GPBP1: variants seen among roughly 807,000 people sequenced by gnomAD.
GPBP1 encodes the protein vasculin.
GPBP1 carries 13 observed loss-of-function variants against 56.5 expected under a neutral mutation model. The observed-to-expected ratio is 0.23, with a 90% CI of 0.15 to 0.37. The LOEUF is 0.37. Ranked by LOEUF, GPBP1 falls within the 10% of genes least tolerant of loss-of-function variation. The probability of loss-of-function intolerance (pLI) is 1.00; values close to 1 mark genes in which losing one functional copy is unlikely to be tolerated. For missense variants in GPBP1, 477 were observed against 572.3 expected (o/e 0.83, Z 1.70); for synonymous variants, 204 against 188.9 (o/e 1.08, Z -0.66).
At chr5:57,221,225 A>C in intron 3 of GPBP1, 1 of 619,330 alleles carries the variant, frequency 1.6e-6, no homozygotes, top group Non-Finnish European at 2.8e-6. Flanking sequence ...CTGTAGTGAG[A>C]AGGATATTTT....
intron 2 of GPBP1, 43 bp from the exon 3 acceptor site, chr5:57,214,031 G>T: frequency 1.2e-6 from 1 of 861,474 alleles, no homozygotes; most frequent in South Asian, 1.4e-5. Context: ...CTAATTTTTG[G>T]CCAGGAGCTG....
chr5:57,203,320 T>G lies in GPBP1; in HGVS notation c.-57-10754T>G, dbSNP rs779946090. Among the ~76,000 whole-genome samples, 137 of 152,274 alleles carry G rather than the reference T, an allele frequency of 9.0e-4. 1 individual carries two copies. Among genetic ancestry groups the G allele is most frequent in the Non-Finnish European group, 1.7e-3 (115 of 68,010 alleles). ...AATTTTTGTAACTTCCTGTTTTGAT[T>G]TTTATGATAAAAATGTAAGTAAAGC... On this transcript the variant is annotated intron_variant, in intron 2 of 11. Transcript: ENST00000506184.
chr5:57,241,481 T>G (rs1258308555), intron 6 of GPBP1, among the ~76,000 whole-genome samples: 1 of 152,150 alleles, frequency 6.6e-6, no homozygotes, highest in Admixed American at 6.5e-5. Flanking sequence ...ATCCTAGCAC[T>G]TTGGGAGGCC....
intron 2 of GPBP1, among the ~76,000 whole-genome samples, chr5:57,194,482 G>C (rs1579989121): frequency 6.6e-6 from 1 of 152,084 alleles, no homozygotes; most frequent in Non-Finnish European, 1.5e-5. Flanking sequence ...GATCAAATCA[G>C]GGTAGTGGGA....
chr5:57,247,680 G>A (rs1202853880), intron 8 of GPBP1, among the ~76,000 whole-genome samples: 4 of 152,048 alleles, frequency 2.6e-5, no homozygotes. Context: ...GTGAGACCCT[G>A]TCTCAAAAGT....
At chr5:57,200,099 T>TGCCTC (rs1387820988) in intron 2 of GPBP1, among the ~76,000 whole-genome samples, 1 of 136,570 alleles carries the variant, frequency 7.3e-6, no homozygotes, top group Non-Finnish European at 1.5e-5. Context: ...GTGACTTTGT[T>TGCCTC]GCCTCACCTC....
chr5:57,227,242 A>G (rs907004085), intron 3 of GPBP1, among the ~76,000 whole-genome samples: 7 of 151,968 alleles, frequency 4.6e-5, no homozygotes, highest in Middle Eastern at 3.4e-3. Flanking sequence ...TAGTGAATTT[A>G]GTGTATTTAG....
intron 2 of GPBP1, among the ~76,000 whole-genome samples, chr5:57,177,819 C>T (rs905967588): frequency 1.3e-5 from 2 of 151,916 alleles, no homozygotes; most frequent in African/African-American, 4.8e-5. Flanking sequence ...AATTTTTGAA[C>T]TCTTTACCAA....
chr5:57,224,900 C>CTTG (rs1756112721), intron 3 of GPBP1, among the ~76,000 whole-genome samples: 1 of 151,326 alleles, frequency 6.6e-6, no homozygotes, highest in South Asian at 2.1e-4. Context: ...TGACCATTTG[C>CTTG]TTGAGTGAAC....
intron 5 of GPBP1, among the ~76,000 whole-genome samples, chr5:57,232,438 A>G (rs911515511): frequency 1.3e-5 from 2 of 152,212 alleles, no homozygotes; most frequent in Non-Finnish European, 2.9e-5. Context: ...AGCTCCTACA[A>G]TTAAGCCTAA....
At chr5:57,226,882 G>A (rs1280036255) in intron 3 of GPBP1, among the ~76,000 whole-genome samples, 1 of 151,676 alleles carries the variant, frequency 6.6e-6, no homozygotes, top group Non-Finnish European at 1.5e-5. Context: ...TGGGACTGCA[G>A]GTGCCCGCCA....
intron 5 of GPBP1, among the ~76,000 whole-genome samples, chr5:57,234,736 A>G (rs944805666): frequency 6.6e-6 from 1 of 152,184 alleles, no homozygotes; most frequent in African/African-American, 2.4e-5. Flanking sequence ...TGGCTCTGAG[A>G]TACAGTTGCC....
chr5:57,241,635 A>G (rs933911306), intron 6 of GPBP1, among the ~76,000 whole-genome samples: 2 of 152,246 alleles, frequency 1.3e-5, no homozygotes, highest in Non-Finnish European at 2.9e-5. Flanking sequence ...TAATGTTAAG[A>G]AAATCCAAAG....
At chr5:57,211,311 G>A (rs1052819355) in intron 2 of GPBP1, among the ~76,000 whole-genome samples, 7 of 151,740 alleles carry the variant, frequency 4.6e-5, no homozygotes, top group East Asian at 1.9e-4. Context: ...CTCAGTCTCC[G>A]TAGTAGCTGG....
At chr5:57,186,403 A>G (rs545157568) in intron 2 of GPBP1, among the ~76,000 whole-genome samples, 2 of 147,312 alleles carry the variant, frequency 1.4e-5, no homozygotes, top group Non-Finnish European at 3.0e-5. Flanking sequence ...AAAAAAAAAA[A>G]TTTTTTTTTC....
At chr5:57,178,412 T>G (rs1237439645) in intron 2 of GPBP1, among the ~76,000 whole-genome samples, 1 of 152,050 alleles carries the variant, frequency 6.6e-6, no homozygotes. Flanking sequence ...GCCCAGCTAA[T>G]TTTTTGTATT....
At chr5:57,243,768 G>A (rs988754937) in intron 6 of GPBP1, among the ~76,000 whole-genome samples, 2 of 151,720 alleles carry the variant, frequency 1.3e-5, no homozygotes, top group African/African-American at 4.8e-5. Context: ...GCTCACTACA[G>A]CCTCAACCTG....
chr5:57,229,061 T>C (rs927966936), intron 3 of GPBP1, among the ~76,000 whole-genome samples: 4 of 150,996 alleles, frequency 2.6e-5, no homozygotes, highest in Non-Finnish European at 5.9e-5. Flanking sequence ...TCAAACCCCG[T>C]TTCTACTAAA....
chr5:57,233,062 G>A (rs1756526036), intron 5 of GPBP1, among the ~76,000 whole-genome samples: 1 of 152,150 alleles, frequency 6.6e-6, no homozygotes, highest in Admixed American at 6.5e-5. Flanking sequence ...GGTTTAGAGA[G>A]GAGTCACGTG....
Sources: allele counts gnomAD v4.1 joint callset (sites outside exome capture counted in the v4.1 genomes callset), GRCh38; gene constraint gnomAD v4.1.1; transcripts MANE v1.5; gene names NCBI Gene and HGNC (gene_info 2026-07-23, HGNC 2026-07-21).